ATP10D: variants seen among roughly 807,000 people sequenced by gnomAD.
ATP10D encodes the protein ATPase phospholipid transporting 10D (putative), also known as phospholipid-transporting ATPase VD.
In ATP10D, 89 loss-of-function variants were observed where a neutral mutation model predicts 144.8. The observed-to-expected ratio is 0.61, with a 90% CI of 0.52 to 0.73. ATP10D has a LOEUF of 0.73. Among genes scored for constraint, ATP10D ranks in the 30% least tolerant of loss-of-function variants. The pLI, the probability that ATP10D is intolerant of heterozygous loss-of-function variation, is 0.00. For missense variants in ATP10D, 1,603 were observed against 1,714.8 expected (o/e 0.93, Z 1.15); for synonymous variants, 571 against 615.1 (o/e 0.93, Z 1.06).
intron 1 of ATP10D, among the ~76,000 whole-genome samples, chr4:47,507,365 C>T (rs1716073418): frequency 6.6e-6 from 1 of 152,110 alleles, no homozygotes; most frequent in Non-Finnish European, 1.5e-5. Flanking sequence ...GCCTCTGGCT[C>T]CAGAACCTGT....
intron 18 of ATP10D, among the ~76,000 whole-genome samples, chr4:47,575,368 G>A (rs1411978393): frequency 1.3e-5 from 2 of 152,058 alleles, no homozygotes; most frequent in Non-Finnish European, 2.9e-5. Context: ...AATACTACAG[G>A]AAACCATGTA....
intron 22 of ATP10D, among the ~76,000 whole-genome samples, chr4:47,588,190 A>C (rs1347430497): frequency 3.3e-5 from 5 of 152,300 alleles, no homozygotes; most frequent in African/African-American, 1.2e-4. Flanking sequence ...TCTGATTTAT[A>C]GTATTGTATG....
chr4:47,537,075 T>C (rs1055544277), intron 9 of ATP10D, 137 bp downstream of exon 9: 2 of 1,009,394 alleles, frequency 2.0e-6, no homozygotes, highest in Non-Finnish European at 2.8e-6. Flanking sequence ...CAGATGGCCT[T>C]TAAACTTCAT....
chr4:47,555,043 G>T, intron 11 of ATP10D, 129 bp downstream of exon 11: 1 of 861,042 alleles, frequency 1.2e-6, no homozygotes, highest in Non-Finnish European at 1.8e-6. Flanking sequence ...CACTGATTCA[G>T]CATTTGTTCT....
chr4:47,536,974 A>G (rs1030323426), intron 9 of ATP10D, 36 bp downstream of exon 9: 7 of 1,561,512 alleles, frequency 4.5e-6, no homozygotes, highest in East Asian at 2.3e-5. Flanking sequence ...CAACCTTAGC[A>G]TTGGTCTTTT....
At chr4:47,558,859 T>C in intron 12 of ATP10D, 64 bp from the exon 13 acceptor site, 1 of 1,336,522 alleles carries the variant, frequency 7.5e-7, no homozygotes. Flanking sequence ...TACTATTGTT[T>C]TAAAAAGTAT....
Position 47,508,169 on chromosome 4 carries a change from G to A in ATP10D, c.-37-4335G>A, listed in dbSNP as rs113445598. Among the ~76,000 whole-genome samples the A allele has an allele frequency of 5.3e-4, 80 of 152,288 alleles. 1 individual carries two copies. Among genetic ancestry groups the A allele is most frequent in the African/African-American group, 1.7e-3 (72 of 41,552 alleles). ...ACAGTTCGTTCATGAACATTGTTGGGATGAGTTTTGGAGAGAATGGTGAAG... is the reference window on the plus strand; with the variant it reads ...ACAGTTCGTTCATGAACATTGTTGGAATGAGTTTTGGAGAGAATGGTGAAG... On this transcript the variant is annotated intron_variant, in intron 1 of 22. Coordinates refer to ENST00000273859, the MANE Select transcript of ATP10D (RefSeq NM_020453.4).
At chr4:47,564,361 C>T (rs1463718301) in intron 15 of ATP10D, among the ~76,000 whole-genome samples, 1 of 152,006 alleles carries the variant, frequency 6.6e-6, no homozygotes, top group Non-Finnish European at 1.5e-5. Context: ...TTCCCCCCTC[C>T]ACACTGGATT....
At chr4:47,529,846 A>C (rs77103476) in intron 5 of ATP10D, among the ~76,000 whole-genome samples, 2 of 152,136 alleles carry the variant, frequency 1.3e-5, no homozygotes, top group African/African-American at 4.8e-5. Context: ...CTCCTTGTAG[A>C]GATCTTTCAC....
rs191644096 is a variant in ATP10D at position 47,568,152 on chromosome 4, T to C, written c.2854-685T>C. Among the ~76,000 whole-genome samples, 245 of 152,344 alleles carry C rather than the reference T, an allele frequency of 1.6e-3. 1 individual carries two copies. The highest frequency in any genetic ancestry group is 2.5e-3 in the Non-Finnish European group (171 of 68,026). On this transcript the variant is annotated intron_variant, in intron 15 of 22. Coordinates refer to ENST00000273859, the MANE Select transcript of ATP10D (RefSeq NM_020453.4). ...AACTGCCTTTAAAGAACTTCCTAACTAGTGTGGAGTGAGGATGTATGCAAA... is the reference window on the plus strand; with the variant it reads ...AACTGCCTTTAAAGAACTTCCTAACCAGTGTGGAGTGAGGATGTATGCAAA...
At chr4:47,511,056 G>T (rs1218256409) in intron 1 of ATP10D, among the ~76,000 whole-genome samples, 1 of 152,154 alleles carries the variant, frequency 6.6e-6, no homozygotes, top group Non-Finnish European at 1.5e-5. Flanking sequence ...TTCTAGATAT[G>T]TTATGAACTA....
chr4:47,550,160 C>G (rs1718661090), intron 10 of ATP10D, among the ~76,000 whole-genome samples: 1 of 151,968 alleles, frequency 6.6e-6, no homozygotes, highest in African/African-American at 2.4e-5. Flanking sequence ...TATTAGAGCT[C>G]CTTGGTCAAC....
intron 1 of ATP10D, among the ~76,000 whole-genome samples, chr4:47,487,226 T>TC (rs67968737): frequency 5.0e-5 from 6 of 120,654 alleles, no homozygotes; most frequent in African/African-American, 1.9e-4. Context: ...CAAAACTCCG[T>TC]CCCCCAAAAA....
chr4:47,538,119 A>G (rs938739222), intron 9 of ATP10D, among the ~76,000 whole-genome samples: 4 of 152,200 alleles, frequency 2.6e-5, no homozygotes, highest in East Asian at 3.9e-4. Context: ...AATCTGTGTG[A>G]TTTTTACAGA....
intron 5 of ATP10D, among the ~76,000 whole-genome samples, chr4:47,531,219 G>A (rs1053632608): frequency 5.3e-5 from 8 of 152,138 alleles, no homozygotes; most frequent in African/African-American, 1.9e-4. Flanking sequence ...CATAGCATCT[G>A]TAAGTAGCAC....
chr4:47,548,065 C>A lies in ATP10D; in HGVS notation c.1635+1203C>A, dbSNP rs1180982746. Reference sequence around the variant, plus strand: ...ATTTTCTTCTATTTTATCTTTTTATCTATCCTTGTATTGAACTTTTCATTT... The same window carrying A: ...ATTTTCTTCTATTTTATCTTTTTATATATCCTTGTATTGAACTTTTCATTT... On this transcript the variant is annotated intron_variant, in intron 10 of 22. Coordinates refer to ENST00000273859, the MANE Select transcript of ATP10D (RefSeq NM_020453.4). Among the ~76,000 whole-genome samples, 4 of 152,058 alleles carry A rather than the reference C, an allele frequency of 2.6e-5. No individual in the cohort carries two copies. In the South Asian group the frequency reaches 8.3e-4, roughly 32 times the overall value.
intron 1 of ATP10D, among the ~76,000 whole-genome samples, chr4:47,494,054 A>G (rs1411462930): frequency 6.6e-6 from 1 of 152,210 alleles, no homozygotes; most frequent in East Asian, 1.9e-4. Flanking sequence ...TTAATTTAAT[A>G]CATGAAACTG....
chr4:47,537,876 G>A (rs549803766), intron 9 of ATP10D, among the ~76,000 whole-genome samples: 2 of 152,236 alleles, frequency 1.3e-5, no homozygotes, highest in East Asian at 3.9e-4. Flanking sequence ...TGTGGCATGA[G>A]TCCCTGATTG....
Position 47,559,036 on chromosome 4 carries a change from C to A in ATP10D, c.2541+7C>A, listed in dbSNP as rs373164178. ...TTTATGTATAGCAAAGAAGGTGAGA[C>A]TGCTTAGTGCGCTCCATCTTTTTTG... On this transcript the variant is annotated splice_region_variant and intron_variant, in intron 13 of 22. Transcript: ENST00000273859. 6.2e-7 allele frequency: 1 copy of A among 1,600,146 alleles called. No homozygotes were observed. The highest frequency in any genetic ancestry group is 8.6e-7 in the Non-Finnish European group (1 of 1,169,222).
Sources: gnomAD v4.1 joint callset for allele counts (sites outside exome capture counted in the v4.1 genomes callset) on GRCh38, gnomAD v4.1.1 for gene constraint, MANE v1.5 for transcripts, NCBI Gene and HGNC (gene_info 2026-07-23, HGNC 2026-07-21) for gene names.